CFAP299: variants seen among roughly 807,000 people sequenced by gnomAD.
CFAP299 encodes cilia and flagella associated protein 299.
In CFAP299, 21 loss-of-function variants were observed where a neutral mutation model predicts 27.0. That is an observed-to-expected ratio of 0.78 (90% CI 0.55 to 1.12). CFAP299 has a LOEUF of 1.12. Ranked by LOEUF, CFAP299 falls within the 50% of genes most tolerant of loss-of-function variation. CFAP299 has a pLI of 0.00. For missense variants in CFAP299, 310 were observed against 276.6 expected (o/e 1.12, Z -0.86); for synonymous variants, 104 against 98.1 (o/e 1.06, Z -0.36).
chr4:80,800,475 ATAT>A (rs1728429291), intron 3 of CFAP299, among the ~76,000 whole-genome samples: 6 of 4,732 alleles, frequency 1.3e-3, no homozygotes, highest in Non-Finnish European at 3.2e-3. Context: ...AATATATAAT[ATAT>A]TATATAATAT....
At chr4:80,464,920 C>G (rs1390484428) in intron 2 of CFAP299, among the ~76,000 whole-genome samples, 1 of 151,994 alleles carries the variant, frequency 6.6e-6, no homozygotes, top group Admixed American at 6.6e-5. Context: ...GGATTTTTCT[C>G]CTCTTCTATA....
intron 3 of CFAP299, among the ~76,000 whole-genome samples, chr4:80,744,334 T>C (rs1222332344): frequency 1.4e-5 from 2 of 140,886 alleles, no homozygotes; most frequent in African/African-American, 5.2e-5. Context: ...CTGTGCTTTA[T>C]ACCTTCATTT....
chr4:80,380,147 G>T (rs879428758), intron 2 of CFAP299, among the ~76,000 whole-genome samples: 2 of 151,804 alleles, frequency 1.3e-5, no homozygotes, highest in Non-Finnish European at 2.9e-5. Flanking sequence ...CTATATCATT[G>T]TTCAATATCA....
At chr4:80,782,319 A>T (rs897533006) in intron 3 of CFAP299, among the ~76,000 whole-genome samples, 2 of 151,818 alleles carry the variant, frequency 1.3e-5, no homozygotes, top group Non-Finnish European at 2.9e-5. Context: ...AAGAGATAGG[A>T]TACTGTTTTA....
intron 3 of CFAP299, among the ~76,000 whole-genome samples, chr4:80,691,869 C>A (rs917373708): frequency 1.3e-5 from 2 of 152,128 alleles, no homozygotes; most frequent in African/African-American, 4.8e-5. Flanking sequence ...AATCAATGTA[C>A]AAAAATCACA....
intron 3 of CFAP299, among the ~76,000 whole-genome samples, chr4:80,767,511 A>G (rs1725947332): frequency 6.6e-6 from 1 of 152,210 alleles, no homozygotes; most frequent in Non-Finnish European, 1.5e-5. Flanking sequence ...GAGGAGGCTG[A>G]GGCAGGAGAA....
the CFAP299 span, among the ~76,000 whole-genome samples, chr4:80,328,094 T>A: frequency 5.9e-5 from 9 of 151,912 alleles, no homozygotes; most frequent in Admixed American, 4.6e-4. Flanking sequence ...ACAATCTTAG[T>A]CAAGTGGTGG....
chr4:80,567,747 ATAT>A, intron 2 of CFAP299, among the ~76,000 whole-genome samples: 1 of 150,796 alleles, frequency 6.6e-6, no homozygotes, highest in Admixed American at 6.6e-5. Flanking sequence ...ATATATATAT[ATAT>A]AAGTACATAA....
intron 3 of CFAP299, among the ~76,000 whole-genome samples, chr4:80,742,079 G>A (rs1306743278): frequency 6.6e-6 from 1 of 151,968 alleles, no homozygotes; most frequent in African/African-American, 2.4e-5. Context: ...ATGGGGGAAG[G>A]GTCACTTCAA....
rs72865158 is a variant in CFAP299 at position 80,873,078 on chromosome 4, T to C, written c.476+2943T>C. 2.6e-3 allele frequency: 2,275 copies of C among 880,136 alleles called. 30 individuals are homozygous for C. In the African/African-American group the frequency reaches 0.037, roughly 14 times the overall value. The allele number at this position is 880,136 out of a possible 1,614,324, so 54.5% of individuals were successfully genotyped here. ...CATAAATATACTGTCTTATAGGATA[T>C]TATAGTTTTGCTTTTGATTTTATAT... On this transcript the variant is annotated intron_variant, in intron 4 of 5. Transcript: ENST00000358105.
At chr4:80,726,487 T>C (rs80165603) in intron 3 of CFAP299, among the ~76,000 whole-genome samples, 11,094 of 152,206 alleles carry the variant, frequency 0.073, 485 homozygotes, top group Middle Eastern at 0.092. Flanking sequence ...AAAACAAATA[T>C]ATTTTTACAA....
chr4:80,661,486 A>G (rs1477779428), intron 3 of CFAP299, among the ~76,000 whole-genome samples: 14 of 152,170 alleles, frequency 9.2e-5, no homozygotes, highest in Non-Finnish European at 1.8e-4. Context: ...CTTTACTGCA[A>G]TCTCTGAACA....
intron 2 of CFAP299, among the ~76,000 whole-genome samples, chr4:80,444,787 A>C (rs558332640): frequency 1.8e-4 from 27 of 152,318 alleles, no homozygotes; most frequent in Admixed American, 8.5e-4. Context: ...CATCTGACAA[A>C]GGGTTAATAT....
intron 4 of CFAP299, among the ~76,000 whole-genome samples, chr4:80,894,797 TGA>T (rs151177808): frequency 4.6e-5 from 7 of 151,836 alleles, no homozygotes; most frequent in African/African-American, 1.5e-4. Flanking sequence ...AGTGTGTGTG[TGA>T]GAGAGAGAGC....
At chr4:80,649,429 T>C (rs1298232087) in intron 3 of CFAP299, among the ~76,000 whole-genome samples, 3 of 152,110 alleles carry the variant, frequency 2.0e-5, no homozygotes, top group African/African-American at 7.2e-5. Flanking sequence ...GAGGGCTTTG[T>C]TTGAAGTGAG....
In CFAP299 at chr4:80,835,133, T is replaced by C. The variant is rs1730491701; in HGVS notation, c.334-34860T>C. On this transcript the variant is annotated intron_variant, in intron 3 of 5. Coordinates refer to ENST00000358105, the MANE Select transcript of CFAP299 (RefSeq NM_152770.3). ...ATTTTTTGTTTGTTTGTTTTGTTTT[T>C]TGAGATGGAGTCTCGCTCTGTCGCC... Among the ~76,000 whole-genome samples, 3 of 152,172 alleles carry C rather than the reference T, an allele frequency of 2.0e-5. No homozygotes were observed. In the South Asian group the frequency reaches 6.2e-4, roughly 31 times the overall value.
intron 3 of CFAP299, among the ~76,000 whole-genome samples, chr4:80,854,837 A>AAAAAAAAG (rs1491389067): frequency 7.9e-6 from 1 of 126,920 alleles, no homozygotes; most frequent in Non-Finnish European, 1.6e-5. Context: ...AAAAAAAAAA[A>AAAAAAAAG]CAGAAAAGGA....
At chr4:80,388,153 A>T in intron 2 of CFAP299, 1 of 666,164 alleles carries the variant, frequency 1.5e-6, no homozygotes. Context: ...TGTGGGGTGG[A>T]GGTGGTGAGG....
At chr4:80,633,862 T>G (rs1739344071) in intron 3 of CFAP299, among the ~76,000 whole-genome samples, 1 of 152,172 alleles carries the variant, frequency 6.6e-6, no homozygotes, top group South Asian at 2.1e-4. Flanking sequence ...GAACCTTTTC[T>G]TTACATGGTT....
Sources: allele counts gnomAD v4.1 joint callset (sites outside exome capture counted in the v4.1 genomes callset), GRCh38; gene constraint gnomAD v4.1.1; transcripts MANE v1.5; gene names NCBI Gene and HGNC (gene_info 2026-07-23, HGNC 2026-07-21).